Variants in PCDH15 observed in about 807,000 individuals in gnomAD.
PCDH15 encodes protocadherin-15.
A neutral mutation model predicts 178.5 loss-of-function variants in PCDH15; 129 were observed. The ratio of observed to expected loss-of-function variants is 0.72; its 90% confidence interval spans 0.63 to 0.84. PCDH15 has a LOEUF of 0.84. Among genes scored for constraint, PCDH15 ranks in the 40% least tolerant of loss-of-function variants. The pLI is 0.00. For synonymous variants in PCDH15, 800 were observed against 732.0 expected (o/e 1.09, Z -1.50); for missense variants, 2,230 against 2,099.9 (o/e 1.06, Z -1.21).
At chr10:55,212,177 G>A (rs1400288688) in intron 1 of PCDH15, among the ~76,000 whole-genome samples, 2 of 152,108 alleles carry the variant, frequency 1.3e-5, no homozygotes, top group African/African-American at 2.4e-5. Flanking sequence ...ATTAGGTTGA[G>A]GGAGGCCAGA....
At chr10:53,869,972 G>A (rs573315260) in intron 26 of PCDH15, among the ~76,000 whole-genome samples, 19 of 152,162 alleles carry the variant, frequency 1.2e-4, no homozygotes, top group African/African-American at 3.4e-4. Context: ...ATTTTGCACT[G>A]TAAGATTCTA....
intron 1 of PCDH15, among the ~76,000 whole-genome samples, chr10:54,760,307 C>A (rs1467184893): frequency 1.3e-5 from 2 of 152,114 alleles, no homozygotes; most frequent in African/African-American, 4.8e-5. Flanking sequence ...AAGTTCTATT[C>A]ACCATTAGCT....
intron 2 of PCDH15, among the ~76,000 whole-genome samples, chr10:55,531,816 C>T (rs942750541): frequency 7.2e-5 from 11 of 151,972 alleles, no homozygotes; most frequent in Non-Finnish European, 1.6e-4. Context: ...ATTAATCTTA[C>T]GTGTGTTAAT....
At chr10:53,856,319 T>C (rs1220842830) in intron 28 of PCDH15, among the ~76,000 whole-genome samples, 1 of 151,982 alleles carries the variant, frequency 6.6e-6, no homozygotes, top group Non-Finnish European at 1.5e-5. Flanking sequence ...TAAACATCTT[T>C]TACAGTATCA....
chr10:54,708,013 A>T (rs1343286552), intron 1 of PCDH15, among the ~76,000 whole-genome samples: 1 of 152,234 alleles, frequency 6.6e-6, no homozygotes, highest in Non-Finnish European at 1.5e-5. Context: ...GTCAGAGTTT[A>T]TCATGTTTTA....
intron 17 of PCDH15, among the ~76,000 whole-genome samples, chr10:54,074,106 C>G (rs1657746869): frequency 6.6e-6 from 1 of 152,154 alleles, no homozygotes; most frequent in South Asian, 2.1e-4. Context: ...ATAAAAATGG[C>G]AAAGCAGAAA....
At chr10:53,948,449 T>G (rs1024901168) in intron 23 of PCDH15, among the ~76,000 whole-genome samples, 1 of 152,192 alleles carries the variant, frequency 6.6e-6, no homozygotes, top group African/African-American at 2.4e-5. Flanking sequence ...TTCTGTTCAC[T>G]CTATTTTTGT....
At chr10:53,847,439 T>C (rs1453259479) in intron 28 of PCDH15, among the ~76,000 whole-genome samples, 1 of 152,016 alleles carries the variant, frequency 6.6e-6, no homozygotes, top group Non-Finnish European at 1.5e-5. Context: ...TGAACTTCTT[T>C]CCTCCATTAA....
chr10:53,952,489 T>C (rs1033883230), intron 23 of PCDH15, among the ~76,000 whole-genome samples: 1 of 152,074 alleles, frequency 6.6e-6, no homozygotes, highest in Non-Finnish European at 1.5e-5. Flanking sequence ...TTTTATGGGC[T>C]TCAGAAGGGA....
At chr10:54,952,619 T>C (rs1313088201) in intron 2 of PCDH15, among the ~76,000 whole-genome samples, 1 of 151,764 alleles carries the variant, frequency 6.6e-6, no homozygotes. Flanking sequence ...GAGTCTTTCA[T>C]CAATATACAT....
At chr10:54,288,995 C>T (rs2059216296) in intron 8 of PCDH15, among the ~76,000 whole-genome samples, 1 of 152,244 alleles carries the variant, frequency 6.6e-6, no homozygotes, top group Non-Finnish European at 1.5e-5. Context: ...CTGTCTGACG[C>T]TCTGAAGAGA....
chr10:54,189,294 A>G, intron 11 of PCDH15: 1 of 1,345,262 alleles, frequency 7.4e-7, no homozygotes, highest in Non-Finnish European at 1.0e-6. Context: ...AGTGAAGAAA[A>G]AAAAGAACAA....
chr10:54,354,545 T>C (rs1355498758), intron 5 of PCDH15, among the ~76,000 whole-genome samples: 3 of 152,148 alleles, frequency 2.0e-5, no homozygotes, highest in Admixed American at 2.0e-4. Context: ...TAACTTTAGA[T>C]TAAGTGCCAG....
chr10:55,515,761 G>C (rs182558244), intron 2 of PCDH15, among the ~76,000 whole-genome samples: 100 of 152,110 alleles, frequency 6.6e-4, no homozygotes, highest in Non-Finnish European at 1.2e-3. Context: ...AATTGGACAC[G>C]TGCATATCCT....
chr10:54,555,159 G>A (rs551572029), intron 2 of PCDH15, among the ~76,000 whole-genome samples: 8 of 152,282 alleles, frequency 5.3e-5, no homozygotes, highest in Admixed American at 3.9e-4. Flanking sequence ...ACAGTATCAA[G>A]GTTTCTGATT....
chr10:54,366,518 A>T (rs568648512), intron 5 of PCDH15, among the ~76,000 whole-genome samples: 43 of 152,172 alleles, frequency 2.8e-4, no homozygotes, highest in African/African-American at 9.6e-4. Flanking sequence ...TATGTATCTA[A>T]TTTTAATGTA....
At chr10:55,268,427 A>G (rs1842356789) in intron 1 of PCDH15, among the ~76,000 whole-genome samples, 1 of 152,196 alleles carries the variant, frequency 6.6e-6, no homozygotes, top group African/African-American at 2.4e-5. Flanking sequence ...TTCTCAACAT[A>G]TCCAAAGTGA....
intron 2 of PCDH15, among the ~76,000 whole-genome samples, chr10:54,944,015 G>C (rs765772721): frequency 1.3e-5 from 2 of 151,848 alleles, no homozygotes; most frequent in Non-Finnish European, 2.9e-5. Context: ...AGGAGATAAG[G>C]CCTGGGTTAA....
chr10:54,352,913 A>G (rs959470105), intron 5 of PCDH15, among the ~76,000 whole-genome samples: 5 of 152,180 alleles, frequency 3.3e-5, no homozygotes, highest in African/African-American at 1.2e-4. Flanking sequence ...ATAATGTTAT[A>G]GATTCATTCT....
Sources: allele counts gnomAD v4.1 joint callset (sites outside exome capture counted in the v4.1 genomes callset), GRCh38; gene constraint gnomAD v4.1.1; transcripts MANE v1.5; gene names NCBI Gene and HGNC (gene_info 2026-07-23, HGNC 2026-07-21).